UBE2F: variants seen among roughly 807,000 people sequenced by gnomAD.
The protein encoded by UBE2F is NEDD8-conjugating enzyme UBE2F.
In UBE2F, 5 loss-of-function variants were observed where a neutral mutation model predicts 29.6. That is an observed-to-expected ratio of 0.17 (90% CI 0.09 to 0.36). The LOEUF is 0.36. Among genes scored for constraint, UBE2F ranks in the 10% least tolerant of loss-of-function variants. The pLI, the probability that UBE2F is intolerant of heterozygous loss-of-function variation, is 1.00. For missense variants in UBE2F, 141 were observed against 228.5 expected, an observed-to-expected ratio of 0.62 and a Z score of 2.47; for synonymous variants, 66 against 81.8, an observed-to-expected ratio of 0.81 and a Z score of 1.04.
chr2:238,006,724 A>T (rs1438538929), intron 4 of UBE2F, among the ~76,000 whole-genome samples: 3 of 150,324 alleles, frequency 2.0e-5, no homozygotes, highest in African/African-American at 4.9e-5. Flanking sequence ...AAGTGGTAGG[A>T]GGGACATCCT....
At chr2:238,016,545 T>G (rs760028562) in intron 4 of UBE2F, 21 bp from the exon 5 acceptor site, 2 of 1,598,534 alleles carry the variant, frequency 1.3e-6, no homozygotes, top group African/African-American at 2.7e-5. Context: ...TTTTTTTGTT[T>G]TGTTTTGTGT....
At chr2:237,979,528 T>C (rs144504841) in intron 2 of UBE2F, among the ~76,000 whole-genome samples, 1 of 152,340 alleles carries the variant, frequency 6.6e-6, no homozygotes, top group African/African-American at 2.4e-5. Flanking sequence ...TGCCACATTG[T>C]CAGGGTAGTC....
chr2:237,997,938 G>A (rs1441636116), intron 4 of UBE2F, among the ~76,000 whole-genome samples: 1 of 152,186 alleles, frequency 6.6e-6, no homozygotes, highest in Non-Finnish European at 1.5e-5. Context: ...AAACGTAAAA[G>A]ATAGCCTGAA....
intron 6 of UBE2F, among the ~76,000 whole-genome samples, chr2:238,027,731 C>T (rs1364445562): frequency 1.3e-5 from 2 of 152,164 alleles, no homozygotes; most frequent in South Asian, 2.1e-4. Flanking sequence ...TGGTGTGTCC[C>T]GAATAAAGGG....
intron 3 of UBE2F, among the ~76,000 whole-genome samples, chr2:237,989,803 A>G (rs1010382176): frequency 2.0e-5 from 3 of 152,130 alleles, no homozygotes; most frequent in African/African-American, 2.4e-5. Context: ...AAATGAGGCA[A>G]TATCTTGAGA....
At chr2:237,996,732 T>C (rs759203486) in intron 4 of UBE2F, among the ~76,000 whole-genome samples, 5 of 152,160 alleles carry the variant, frequency 3.3e-5, no homozygotes, top group Non-Finnish European at 7.4e-5. Context: ...AGCCTCGGCT[T>C]CCCAAAGTGC....
At position 238,040,857 on chromosome 2, in the gene UBE2F, G is replaced by T. The variant is rs529065445; in HGVS notation, c.508-431G>T. 5.3e-4 allele frequency among the ~76,000 whole-genome samples: 81 copies of T among 152,234 alleles called. No individual in the cohort carries two copies. The highest frequency in any genetic ancestry group is 1.8e-3 in the African/African-American group (76 of 41,544). ...TGAAGAGCAGGCACATTTTAAGTAG[G>T]TAGCAGCATCCAGGGAAATCATTCT... On this transcript the variant is annotated intron_variant, in intron 9 of 9. Coordinates refer to ENST00000272930, the MANE Select transcript of UBE2F (RefSeq NM_080678.3). This position sits in a 1 kb window ranked among gnomAD's most constrained non-coding sequence, Gnocchi z 4.4.
chr2:238,024,859 A>G (rs1385281945), intron 5 of UBE2F, among the ~76,000 whole-genome samples: 1 of 152,256 alleles, frequency 6.6e-6, no homozygotes, highest in African/African-American at 2.4e-5. Flanking sequence ...ATCTTCAGAA[A>G]AATCCAGCAA....
At position 237,989,282 on chromosome 2, in the gene UBE2F, A is replaced by G. The variant is rs1021836726; in HGVS notation, c.148+1290A>G. 2.6e-5 allele frequency among the ~76,000 whole-genome samples: 4 copies of G among 152,188 alleles called. No homozygotes were observed. In the South Asian group the frequency reaches 8.3e-4, roughly 31 times the overall value. On this transcript the variant is annotated intron_variant, in intron 3 of 9. Transcript: ENST00000272930. ...CCAGCCTCCATCTGAAGTAGGAAAG[A>G]TAATGGTGGATTGCAACCTCTCCAT...
At chr2:238,015,671 A>G (rs549233223) in intron 4 of UBE2F, among the ~76,000 whole-genome samples, 3 of 152,348 alleles carry the variant, frequency 2.0e-5, no homozygotes, top group Non-Finnish European at 2.9e-5. Context: ...GAGGAAAATG[A>G]TAAGATTTAA....
intron 2 of UBE2F, among the ~76,000 whole-genome samples, chr2:237,983,206 A>G (rs2063412268): frequency 6.6e-6 from 1 of 152,208 alleles, no homozygotes; most frequent in Non-Finnish European, 1.5e-5. Context: ...GGTTGTATTT[A>G]GTCACAGAAC....
At chr2:237,986,137 CTTTTCTT>C in intron 2 of UBE2F, 1 of 307,580 alleles carries the variant, frequency 3.3e-6, no homozygotes, top group Non-Finnish European at 5.9e-6. Context: ...ACTACCTTTT[CTTTTCTT>C]TTTTTTTTTT....
At chr2:237,968,850 A>G in intron 1 of UBE2F, 1 of 985,314 alleles carries the variant, frequency 1.0e-6, no homozygotes, top group South Asian at 4.7e-5. Flanking sequence ...TTTGTTTTAA[A>G]CCAGATCTTC....
intron 9 of UBE2F, 148 bp from the exon 10 acceptor site, chr2:238,041,140 G>A (rs866113387): frequency 2.8e-6 from 2 of 712,206 alleles, no homozygotes; most frequent in South Asian, 1.7e-5. Context: ...ATGGCACTCA[G>A]ACTCCGCAAG....
At chr2:238,008,109 T>C (rs914310413) in intron 4 of UBE2F, among the ~76,000 whole-genome samples, 3 of 152,070 alleles carry the variant, frequency 2.0e-5, no homozygotes, top group African/African-American at 7.2e-5. Context: ...GCCCATCGTC[T>C]GTAGTGGGCA....
intron 2 of UBE2F, among the ~76,000 whole-genome samples, chr2:237,979,280 T>G (rs1347672451): frequency 6.6e-6 from 1 of 152,224 alleles, no homozygotes; most frequent in African/African-American, 2.4e-5. Context: ...AGGGTCTGGC[T>G]GCCCATCTGC....
At chr2:237,983,060 C>T (rs1471202585) in intron 2 of UBE2F, among the ~76,000 whole-genome samples, 4 of 152,170 alleles carry the variant, frequency 2.6e-5, no homozygotes, top group Non-Finnish European at 1.5e-5. Flanking sequence ...ATATGAAACT[C>T]CTGGCTTCAA....
chr2:238,040,803 AGAAGAGATGGGG>A lies in UBE2F; in HGVS notation c.508-483_508-472del, dbSNP rs2064822284. Among the ~76,000 whole-genome samples the A allele has an allele frequency of 6.6e-6, 1 of 152,090 alleles. No homozygotes were observed. Among genetic ancestry groups the A allele is most frequent in the African/African-American group, 2.4e-5 (1 of 41,422 alleles). ...TCTGGGCAGGGTGGTCATCCTGCCC[AGAAGAGATGGGG>A]GCCTGTACATGGGCTGTGAAGAGCA... On this transcript the variant is annotated intron_variant, in intron 9 of 9. Transcript: ENST00000272930. This position sits in a 1 kb window ranked among gnomAD's most constrained non-coding sequence, Gnocchi z 4.4.
intron 2 of UBE2F, among the ~76,000 whole-genome samples, chr2:237,984,646 A>G (rs912063111): frequency 6.6e-6 from 1 of 152,348 alleles, no homozygotes; most frequent in South Asian, 2.1e-4. Context: ...TTTCTGTCTG[A>G]GGCACAGAGG....
Sources: gnomAD v4.1 joint callset for allele counts (sites outside exome capture counted in the v4.1 genomes callset) on GRCh38, gnomAD v4.1.1 for gene constraint, Gnocchi (gnomAD v3.1) non-coding constraint, MANE v1.5 for transcripts, NCBI Gene and HGNC (gene_info 2026-07-23, HGNC 2026-07-21) for gene names.